Variants in STK3 observed in about 807,000 individuals in gnomAD.
STK3 encodes the protein serine/threonine kinase 3.
A neutral mutation model predicts 58.0 loss-of-function variants in STK3; 41 were observed. That is an observed-to-expected ratio of 0.71 (90% confidence interval 0.55 to 0.92). The LOEUF is 0.92. Ranked by LOEUF, STK3 falls within the 40% of genes least tolerant of loss-of-function variation. STK3 has a pLI of 0.00. For synonymous variants in STK3, 170 were observed against 191.0 expected (o/e 0.89, Z 0.91); for missense variants, 479 against 602.7 (o/e 0.79, Z 2.15).
intron 4 of STK3, among the ~76,000 whole-genome samples, chr8:98,737,259 G>C (rs1003093406): frequency 2.6e-5 from 4 of 152,028 alleles, no homozygotes; most frequent in Non-Finnish European, 4.4e-5. Context: ...GGCTCTACCT[G>C]ACATACCCAA....
chr8:98,833,747 T>C (rs1835635725), intron 3 of STK3, among the ~76,000 whole-genome samples: 1 of 152,176 alleles, frequency 6.6e-6, no homozygotes, highest in Admixed American at 6.5e-5. Context: ...CTGAACTAGT[T>C]TTTCAGGTTT....
In STK3 at chr8:98,707,307, A is replaced by G. The variant is rs2131073669; in HGVS notation, c.356T>C (p.Ile119Thr). 6.6e-7 allele frequency: 1 copy of G among 1,513,838 alleles called. No homozygotes were observed. Among genetic ancestry groups the G allele is most frequent in the Admixed American group, 2.3e-5 (1 of 42,844 alleles). 93.8% of individuals were successfully genotyped at this position (1,513,838 alleles called of 1,614,324 possible). A position where few individuals can be genotyped will look rare whatever the true frequency, so the allele number is the denominator to read the frequency against. ...DIIRLRNKTL[I>T]EDEIATILKS... is the part of the protein sequence containing the mutation. Reference sequence around the variant, plus strand: ...AAGAATGGTTGCAATTTCATCTTCTATTAACTGGAAAGAAATATTTTTAAA... The same window carrying G: ...AAGAATGGTTGCAATTTCATCTTCTGTTAACTGGAAAGAAATATTTTTAAA... Residue 119 changes from isoleucine (I) to threonine (T), a missense_variant, in exon 5 of 11, where the codon ATA (isoleucine) becomes ACA (threonine). Ile to Thr is a moderately conservative substitution (Grantham distance 89, BLOSUM62 -1). This residue lies in a region of STK3 where 126 missense variants were observed against 210.1 expected (regional missense o/e 0.60). Transcript: ENST00000419617.
At chr8:98,378,479 A>T (rs1817698057) in intron 2 of STK3, among the ~76,000 whole-genome samples, 1 of 152,194 alleles carries the variant, frequency 6.6e-6, no homozygotes, top group African/African-American at 2.4e-5. Flanking sequence ...TGTCTGTGTG[A>T]CTTGGGCAAA....
At chr8:98,352,825 G>A in the STK3 span, among the ~76,000 whole-genome samples, 222 of 152,206 alleles carry the variant, frequency 1.5e-3, 1 homozygote, top group African/African-American at 5.2e-3. Flanking sequence ...CATCTTAGGT[G>A]GAGACTGAAG....
At position 98,483,180 on chromosome 8, in the gene STK3, G is replaced by A. The variant is rs1053021011; in HGVS notation, c.1318-27180C>T. 2.0e-5 allele frequency among the ~76,000 whole-genome samples: 3 copies of A among 152,138 alleles called. No individual in the cohort carries two copies. In the East Asian group the frequency reaches 5.8e-4, roughly 29 times the overall value. On this transcript the variant is annotated intron_variant, in intron 10 of 10. Coordinates refer to ENST00000419617, the MANE Select transcript of STK3 (RefSeq NM_006281.4). ...CTCAAGTCAAGGCTAGGATGCTGCC[G>A]TGATAGAAAAGATATGGAACTGCTG...
At chr8:98,345,331 C>T in the STK3 span, among the ~76,000 whole-genome samples, 3 of 152,098 alleles carry the variant, frequency 2.0e-5, no homozygotes, top group East Asian at 3.9e-4. Flanking sequence ...CAAAACCACT[C>T]GTTTGCATGT....
intron 6 of STK3, chr8:98,597,415 T>G: frequency 6.1e-6 from 6 of 985,212 alleles, no homozygotes; most frequent in Non-Finnish European, 7.2e-6. Context: ...TCACGTCATG[T>G]TATACATATT....
chr8:98,529,303 T>A (rs980027431), intron 9 of STK3, among the ~76,000 whole-genome samples: 24 of 152,158 alleles, frequency 1.6e-4, no homozygotes, highest in African/African-American at 5.3e-4. Context: ...GGACGGAGAT[T>A]GAACTGACAG....
chr8:98,393,647 C>T (rs768063012), intron 3 of STK3: 1 of 152,036 alleles, frequency 6.6e-6, no homozygotes, highest in Non-Finnish European at 1.5e-5. Context: ...GATAAGAGGA[C>T]TTTTATTACC....
chr8:98,697,794 A>G (rs189873038), intron 6 of STK3, among the ~76,000 whole-genome samples: 63 of 152,196 alleles, frequency 4.1e-4, no homozygotes, highest in Non-Finnish European at 7.6e-4. Flanking sequence ...AATGTGGTCA[A>G]TTTTGGAACA....
chr8:98,876,263 G>A (rs1320744737), intron 3 of STK3, among the ~76,000 whole-genome samples: 2 of 152,162 alleles, frequency 1.3e-5, no homozygotes, highest in African/African-American at 4.8e-5. Flanking sequence ...GCCTTTTAAT[G>A]ACACCAGAAA....
the STK3 span, among the ~76,000 whole-genome samples, chr8:98,363,499 GT>G: frequency 1.3e-5 from 2 of 152,134 alleles, no homozygotes; most frequent in South Asian, 4.1e-4. Context: ...TGGGGCTTTG[GT>G]TTCCTTGTCT....
At chr8:98,804,271 G>A (rs1191427368) in intron 1 of STK3, among the ~76,000 whole-genome samples, 1 of 152,094 alleles carries the variant, frequency 6.6e-6, no homozygotes, top group Non-Finnish European at 1.5e-5. Flanking sequence ...CAAAGTGCTG[G>A]GATTACAGGC....
At chr8:98,625,164 T>C (rs1393801149) in intron 6 of STK3, among the ~76,000 whole-genome samples, 3 of 152,138 alleles carry the variant, frequency 2.0e-5, no homozygotes, top group Non-Finnish European at 2.9e-5. Context: ...GCCTTGTCAT[T>C]AGCTAGCAGT....
At chr8:98,670,445 A>G (rs866377147) in intron 6 of STK3, among the ~76,000 whole-genome samples, 1 of 152,204 alleles carries the variant, frequency 6.6e-6, no homozygotes, top group Non-Finnish European at 1.5e-5. Context: ...TGCAAATAAA[A>G]ATCATTAGAT....
intron 6 of STK3, among the ~76,000 whole-genome samples, chr8:98,694,326 T>C (rs1379768373): frequency 6.6e-6 from 1 of 152,172 alleles, no homozygotes; most frequent in Non-Finnish European, 1.5e-5. Context: ...GACACAGAGA[T>C]AGAGACCTTT....
At chr8:98,587,660 T>A (rs1002856406) in intron 7 of STK3, among the ~76,000 whole-genome samples, 2 of 152,052 alleles carry the variant, frequency 1.3e-5, no homozygotes, top group Non-Finnish European at 2.9e-5. Flanking sequence ...CCTTGTTGAC[T>A]TTCTGTCTCG....
intron 7 of STK3, among the ~76,000 whole-genome samples, chr8:98,589,626 C>A (rs1031431846): frequency 1.3e-5 from 2 of 152,206 alleles, no homozygotes; most frequent in African/African-American, 4.8e-5. Context: ...TGGGCTCCAC[C>A]CAGTTCGAGC....
Position 98,428,506 on chromosome 8 carries a change from C to A in STK3, n.483+5621G>T, listed in dbSNP as rs750851877. 1 of 1,613,370 alleles carries A rather than the reference C, an allele frequency of 6.2e-7. No individual in the cohort carries two copies. The highest frequency in any genetic ancestry group is 8.5e-7 in the Non-Finnish European group (1 of 1,179,964). ...AACTTCCGCAGGCAGCTGTGGCTGGCGCTGGACAACCCCGGCTACTCAGTG... is the reference window on the plus strand; with the variant it reads ...AACTTCCGCAGGCAGCTGTGGCTGGAGCTGGACAACCCCGGCTACTCAGTG... On this transcript the variant is annotated intron_variant and non_coding_transcript_variant, in intron 3 of 3. Coordinates refer to the STK3 transcript ENST00000517832. The surrounding 1 kb of genome is among the most constrained non-coding windows in gnomAD (Gnocchi z 6.7).
Sources: allele counts gnomAD v4.1 joint callset (sites outside exome capture counted in the v4.1 genomes callset), GRCh38; gene constraint gnomAD v4.1.1; regional missense constraint gnomAD v4.1.1; non-coding constraint Gnocchi (gnomAD v3.1); transcripts MANE v1.5; gene names NCBI Gene and HGNC (gene_info 2026-07-23, HGNC 2026-07-21).